SP4: variants seen among roughly 807,000 people sequenced by gnomAD.
The protein encoded by SP4 is transcription factor Sp4.
A neutral mutation model predicts 72.8 loss-of-function variants in SP4; 19 were observed. The ratio of observed to expected loss-of-function variants is 0.26; its 90% confidence interval spans 0.18 to 0.38. The LOEUF (loss-of-function observed/expected upper bound fraction) is 0.38. Ranked by LOEUF, SP4 falls within the 10% of genes least tolerant of loss-of-function variation. SP4 has a pLI of 1.00. For synonymous variants in SP4, 395 were observed against 333.1 expected, an observed-to-expected ratio of 1.19 and a Z score of -2.02; for missense variants, 1,008 against 926.3, an observed-to-expected ratio of 1.09 and a Z score of -1.14.
intron 5 of SP4, chr7:21,482,479 GT>G (rs987004628): frequency 0.018 from 3,338 of 184,082 alleles, 113 homozygotes; most frequent in African/African-American, 0.072. Flanking sequence ...GTGTGTTTTA[GT>G]TTTTTTTTTT....
At chr7:21,484,919 A>G (rs1475312658) in intron 5 of SP4, among the ~76,000 whole-genome samples, 1 of 152,050 alleles carries the variant, frequency 6.6e-6, no homozygotes, top group East Asian at 1.9e-4. Context: ...ATATCTTTAA[A>G]AAAAAGATTC....
intron 4 of SP4, among the ~76,000 whole-genome samples, chr7:21,479,722 GTTGCCAGCTTAACAATATTACATCTT>G (rs1421839545): frequency 6.6e-6 from 1 of 152,198 alleles, no homozygotes; most frequent in Non-Finnish European, 1.5e-5. Context: ...TTTGGGGACG[GTTGCCAGCTTAACAATATTACATCTT>G]TTGGTCTATG....
chr7:21,443,217 A>G (rs1783316417), intron 3 of SP4, among the ~76,000 whole-genome samples: 2 of 152,200 alleles, frequency 1.3e-5, no homozygotes, highest in Non-Finnish European at 2.9e-5. Flanking sequence ...TCATTCTGAT[A>G]CTGAACCAGA....
intron 3 of SP4, among the ~76,000 whole-genome samples, chr7:21,458,279 G>A (rs922885728): frequency 3.3e-5 from 5 of 152,090 alleles, no homozygotes; most frequent in South Asian, 2.1e-4. Flanking sequence ...TGCAAACTCC[G>A]CCTCCTGGGT....
chr7:21,501,218 G>C (rs188492190), intron 5 of SP4, among the ~76,000 whole-genome samples: 1 of 151,946 alleles, frequency 6.6e-6, no homozygotes, highest in South Asian at 2.1e-4. Context: ...TCTACATTCT[G>C]TTTGCTCATT....
In SP4 at chr7:21,429,612, T is replaced by C; in HGVS notation, c.447T>C (p.Gly149=). 1.9e-6 allele frequency: 3 copies of C among 1,614,184 alleles called. No homozygotes were observed. Among genetic ancestry groups the C allele is most frequent in the African/African-American group, 1.3e-5 (1 of 75,056 alleles). Residue 149 remains glycine, a synonymous_variant, in exon 3 of 6, where the codon GGT becomes GGC. Transcript: ENST00000222584. The stretch of plus-strand genomic sequence containing the variant: ...AATCAGGTAATTCTTCCACCCCTGG[T>C]CAATTTCAAGTCATACAAGTACAAA... The part of the protein sequence containing the change: ...KTKSGNSSTP[G]QFQVIQVQNP...
intron 4 of SP4, among the ~76,000 whole-genome samples, chr7:21,480,959 G>A (rs1390298142): frequency 1.3e-5 from 2 of 152,180 alleles, no homozygotes; most frequent in African/African-American, 2.4e-5. Flanking sequence ...CGGGGGTTGA[G>A]ACAGTGGCTT....
intron 3 of SP4, among the ~76,000 whole-genome samples, chr7:21,439,526 T>C (rs532968255): frequency 3.9e-5 from 6 of 152,120 alleles, no homozygotes; most frequent in South Asian, 4.2e-4. Flanking sequence ...TTTTTTTTTT[T>C]TCCATGAACA....
intron 5 of SP4, among the ~76,000 whole-genome samples, chr7:21,488,948 T>G (rs1482206458): frequency 1.3e-5 from 2 of 152,218 alleles, no homozygotes; most frequent in Non-Finnish European, 2.9e-5. Flanking sequence ...TTGCCATTCA[T>G]AATCCACTTA....
intron 5 of SP4, among the ~76,000 whole-genome samples, chr7:21,510,262 G>A (rs867208413): frequency 6.6e-6 from 1 of 152,106 alleles, no homozygotes; most frequent in African/African-American, 2.4e-5. Context: ...AAGATCTACG[G>A]CTAACAGTTA....
At chr7:21,489,993 A>AT (rs1459769884) in intron 5 of SP4, among the ~76,000 whole-genome samples, 1 of 152,244 alleles carries the variant, frequency 6.6e-6, no homozygotes, top group African/African-American at 2.4e-5. Context: ...TATGTGAAAC[A>AT]TCAAAACTGT....
At chr7:21,499,470 A>C (rs1393888723) in intron 5 of SP4, among the ~76,000 whole-genome samples, 2 of 152,184 alleles carry the variant, frequency 1.3e-5, no homozygotes, top group African/African-American at 4.8e-5. Context: ...AGGCAAAGAC[A>C]AAGGCAGGGA....
At position 21,511,230 on chromosome 7, in the gene SP4, A is replaced by G; in HGVS notation, c.2316A>G (p.Pro772=). ...TVAAISQDSN[P]ATPNVSTNME... ...CAGCCATTTCTCAAGATTCGAATCCAGCAACTCCCAATGTTTCAACCAACA... is the reference window on the plus strand; with the variant it reads ...CAGCCATTTCTCAAGATTCGAATCCGGCAACTCCCAATGTTTCAACCAACA... Residue 772 remains proline, a synonymous_variant, in exon 6 of 6, where the codon CCA becomes CCG. Transcript: ENST00000222584. 6.2e-7 allele frequency: 1 copy of G among 1,614,202 alleles called. No individual in the cohort carries two copies. The highest frequency in any genetic ancestry group is 2.2e-5 in the East Asian group (1 of 44,884).
At chr7:21,501,925 C>G (rs540010230) in intron 5 of SP4, among the ~76,000 whole-genome samples, 2 of 151,536 alleles carry the variant, frequency 1.3e-5, no homozygotes, top group African/African-American at 2.4e-5. Flanking sequence ...CGATGAATCT[C>G]TGTTGATTAT....
Position 21,512,562 on chromosome 7 carries a change from CTT to C in SP4, c.*1309_*1310del, listed in dbSNP as rs541943749. 107 of 133,566 alleles carry C rather than the reference CTT, an allele frequency of 8.0e-4. 1 individual carries two copies. Among genetic ancestry groups the C allele is most frequent in the African/African-American group, 2.2e-3 (80 of 36,348 alleles). 8.3% of individuals were successfully genotyped at this position (133,566 alleles called of 1,614,324 possible). A position where few individuals can be genotyped will look rare whatever the true frequency, so the allele number is the denominator to read the frequency against. Reference sequence around the variant, plus strand: ...ATGCAAGGGTCTTACAGGAAAGGGTCTTTTTTTTTTTTTTTTTGAGATGGAGT... The same window carrying C: ...ATGCAAGGGTCTTACAGGAAAGGGTCTTTTTTTTTTTTTTTGAGATGGAGT... On this transcript the variant is annotated 3_prime_UTR_variant, in exon 6 of 6. Coordinates refer to ENST00000222584, the MANE Select transcript of SP4 (RefSeq NM_003112.5).
At chr7:21,510,983 C>T in intron 5 of SP4, 39 bp from the exon 6 acceptor site, 1 of 1,548,070 alleles carries the variant, frequency 6.5e-7, no homozygotes, top group Non-Finnish European at 8.7e-7. Context: ...TTCACTTAAG[C>T]AAAATGTGTA....
At chr7:21,485,965 C>G (rs929452040) in intron 5 of SP4, among the ~76,000 whole-genome samples, 1 of 151,944 alleles carries the variant, frequency 6.6e-6, no homozygotes, top group Non-Finnish European at 1.5e-5. Context: ...TTGGTCTACT[C>G]TCTTCGTTGC....
intron 5 of SP4, among the ~76,000 whole-genome samples, chr7:21,493,544 A>C (rs1785031339): frequency 6.6e-6 from 1 of 152,196 alleles, no homozygotes; most frequent in African/African-American, 2.4e-5. Flanking sequence ...AAAGAGTAGA[A>C]ATAAAAAGAA....
At chr7:21,471,266 G>A in intron 3 of SP4, 1 of 361,152 alleles carries the variant, frequency 2.8e-6, no homozygotes, top group Non-Finnish European at 5.7e-6. Context: ...TGGGGAGCTA[G>A]GTCTGCAATA....
Sources: allele counts gnomAD v4.1 joint callset (sites outside exome capture counted in the v4.1 genomes callset), GRCh38; gene constraint gnomAD v4.1.1; transcripts MANE v1.5; gene names NCBI Gene and HGNC (gene_info 2026-07-23, HGNC 2026-07-21).